AK5: variants seen among roughly 807,000 people sequenced by gnomAD.
AK5 encodes the protein adenylate kinase 5.
A neutral mutation model predicts 69.5 loss-of-function variants in AK5; 27 were observed. That is an observed-to-expected ratio of 0.39 (90% CI 0.29 to 0.54). The LOEUF is 0.54. Among genes scored for constraint, AK5 ranks in the 20% least tolerant of loss-of-function variants. The pLI is 0.71. For missense variants in AK5, 531 were observed against 700.4 expected (o/e 0.76, Z 2.73); for synonymous variants, 260 against 244.4 (o/e 1.06, Z -0.60).
At chr1:77,555,856 A>G (rs978777872) in intron 13 of AK5, among the ~76,000 whole-genome samples, 1 of 152,220 alleles carries the variant, frequency 6.6e-6, no homozygotes, top group Non-Finnish European at 1.5e-5. Flanking sequence ...AACTTGGTTA[A>G]CTGCAAAACA....
intron 12 of AK5, among the ~76,000 whole-genome samples, chr1:77,528,491 G>T (rs1000945404): frequency 1.3e-5 from 2 of 152,092 alleles, no homozygotes; most frequent in Non-Finnish European, 2.9e-5. Context: ...GGTCCTTTGA[G>T]GATTTCCTTG....
At chr1:77,519,509 G>C (rs1234506360) in intron 11 of AK5, among the ~76,000 whole-genome samples, 1 of 152,184 alleles carries the variant, frequency 6.6e-6, no homozygotes, top group Non-Finnish European at 1.5e-5. Flanking sequence ...GAGGGTTCTT[G>C]GATCTTGTGC....
intron 5 of AK5, among the ~76,000 whole-genome samples, chr1:77,311,504 A>G (rs575482037): frequency 6.6e-6 from 1 of 152,250 alleles, no homozygotes; most frequent in East Asian, 1.9e-4. Context: ...TCACAAGATT[A>G]TTGTGAAGAT....
intron 13 of AK5, among the ~76,000 whole-genome samples, chr1:77,543,344 T>C (rs1557665220): frequency 6.6e-6 from 1 of 152,238 alleles, no homozygotes; most frequent in African/African-American, 2.4e-5. Flanking sequence ...TTCTCTGTAC[T>C]AAATTCTTAA....
chr1:77,543,956 C>A (rs1336047417), intron 13 of AK5, among the ~76,000 whole-genome samples: 2 of 151,966 alleles, frequency 1.3e-5, no homozygotes, highest in Non-Finnish European at 2.9e-5. Flanking sequence ...CACAGTCATG[C>A]ATCATTTAAC....
intron 8 of AK5, among the ~76,000 whole-genome samples, chr1:77,477,003 A>AGT (rs10625085): frequency 0.55 from 80,573 of 146,850 alleles, 22,250 homozygotes; most frequent in Middle Eastern, 0.64. Flanking sequence ...TGTTCTTTTT[A>AGT]GTGTGTGTGT....
intron 8 of AK5, among the ~76,000 whole-genome samples, chr1:77,480,776 A>G (rs966901651): frequency 3.3e-5 from 5 of 152,218 alleles, no homozygotes; most frequent in African/African-American, 4.8e-5. Flanking sequence ...AATTGCTTCA[A>G]ATAGGTCCCT....
chr1:77,362,912 C>T (rs1260825392), intron 6 of AK5, among the ~76,000 whole-genome samples: 2 of 152,148 alleles, frequency 1.3e-5, no homozygotes, highest in Non-Finnish European at 2.9e-5. Flanking sequence ...TGTCCTGATG[C>T]AATGACCATA....
At chr1:77,525,971 A>G (rs1278736213) in intron 12 of AK5, among the ~76,000 whole-genome samples, 1 of 152,118 alleles carries the variant, frequency 6.6e-6, no homozygotes, top group Non-Finnish European at 1.5e-5. Context: ...TGATGTTTCT[A>G]TTCCTGGAAA....
At chr1:77,542,990 G>T (rs1659358450) in intron 13 of AK5, among the ~76,000 whole-genome samples, 1 of 152,184 alleles carries the variant, frequency 6.6e-6, no homozygotes, top group African/African-American at 2.4e-5. Context: ...TGGCAACTCT[G>T]CTTTTGTAGA....
chr1:77,558,687 T>A lies in AK5; in HGVS notation c.*17T>A. On this transcript the variant is annotated 3_prime_UTR_variant, in exon 14 of 14. Coordinates refer to ENST00000354567, the MANE Select transcript of AK5 (RefSeq NM_174858.3). The stretch of plus-strand genomic sequence containing the variant: ...ATTTTCTGAAGGCAAAAATGCATGT[T>A]TGTTAGAATGGAAACAGAAAAACAT... 6.9e-7 allele frequency: 1 copy of A among 1,456,438 alleles called. No individual in the cohort carries two copies. Among genetic ancestry groups the A allele is most frequent in the Non-Finnish European group, 9.4e-7 (1 of 1,058,546 alleles). The allele number at this position is 1,456,438 out of a possible 1,614,324, so 90.2% of individuals were successfully genotyped here.
At position 77,428,151 on chromosome 1, in the gene AK5, T is replaced by C. The variant is rs962704069; in HGVS notation, c.1059+10436T>C. Among the ~76,000 whole-genome samples, 4 of 152,186 alleles carry C rather than the reference T, an allele frequency of 2.6e-5. No homozygotes were observed. The East Asian group carries it at 5.8e-4, about 22-fold the overall frequency. On this transcript the variant is annotated intron_variant, in intron 8 of 13. Coordinates refer to ENST00000354567, the MANE Select transcript of AK5 (RefSeq NM_174858.3). ...AAGGTATAATCCACAAAAGAAAAAG[T>C]GCATAATCTGGACTCCATTAAAATG...
At chr1:77,488,952 T>C (rs147801949) in intron 10 of AK5, among the ~76,000 whole-genome samples, 2 of 152,348 alleles carry the variant, frequency 1.3e-5, no homozygotes, top group African/African-American at 4.8e-5. Context: ...CATAGAAATC[T>C]GTGTTTTTAA....
chr1:77,559,751 A>AGTT lies in AK5; in HGVS notation c.*1084_*1086dup. On this transcript the variant is annotated 3_prime_UTR_variant, in exon 14 of 14. Transcript: ENST00000354567. Reference sequence around the variant, plus strand: ...TGGGTTCTCTTTTGTGCTATCAATCAGTTGTAAAATCAGAGCTGCTTATAT... The same window carrying AGTT: ...TGGGTTCTCTTTTGTGCTATCAATCAGTTGTTGTAAAATCAGAGCTGCTTATAT... 6.6e-6 allele frequency: 1 copy of AGTT among 152,216 alleles called. No homozygotes were observed. The highest frequency in any genetic ancestry group is 6.5e-5 in the Admixed American group (1 of 15,272). 9.4% of individuals were successfully genotyped at this position (152,216 alleles called of 1,614,324 possible). A position where few individuals can be genotyped will look rare whatever the true frequency, so the allele number is the denominator to read the frequency against.
intron 12 of AK5, among the ~76,000 whole-genome samples, chr1:77,531,497 A>C (rs1009944122): frequency 2.0e-5 from 3 of 152,082 alleles, no homozygotes; most frequent in African/African-American, 7.2e-5. Flanking sequence ...GTGGACACAA[A>C]GGTTCTCCAA....
chr1:77,435,707 C>G (rs1651918053), intron 8 of AK5, among the ~76,000 whole-genome samples: 1 of 150,522 alleles, frequency 6.6e-6, no homozygotes, highest in African/African-American at 2.4e-5. Flanking sequence ...AATTAAAAAT[C>G]AAAGACTTTC....
At chr1:77,352,343 T>C (rs1287788318) in intron 6 of AK5, among the ~76,000 whole-genome samples, 2 of 152,232 alleles carry the variant, frequency 1.3e-5, no homozygotes, top group Non-Finnish European at 2.9e-5. Flanking sequence ...TTATATCTAA[T>C]TCTTCCAACA....
chr1:77,542,214 T>C (rs1659314914), intron 13 of AK5, among the ~76,000 whole-genome samples: 1 of 151,962 alleles, frequency 6.6e-6, no homozygotes, highest in African/African-American at 2.4e-5. Context: ...TCCCAGCTAC[T>C]GAGGAGGCTG....
intron 6 of AK5, among the ~76,000 whole-genome samples, chr1:77,410,729 A>C (rs990728955): frequency 6.6e-6 from 1 of 152,134 alleles, no homozygotes; most frequent in Non-Finnish European, 1.5e-5. Context: ...AACGTGCTCC[A>C]TAAATTAAGA....
Sources: allele counts gnomAD v4.1 joint callset (sites outside exome capture counted in the v4.1 genomes callset), GRCh38; gene constraint gnomAD v4.1.1; transcripts MANE v1.5; gene names NCBI Gene and HGNC (gene_info 2026-07-23, HGNC 2026-07-21).